The following MST1R variants were observed in gnomAD, a reference collection of about 807,000 sequenced individuals.
MST1R encodes the protein macrophage stimulating 1 receptor.
In MST1R, 99 loss-of-function variants were observed where a neutral mutation model predicts 117.8. The observed-to-expected ratio is 0.84, with a 90% CI of 0.71 to 0.99. The LOEUF is 0.99. Among genes scored for constraint, MST1R ranks in the 50% least tolerant of loss-of-function variants. MST1R has a pLI of 0.00. For missense variants in MST1R, 1,683 were observed against 1,840.2 expected, an observed-to-expected ratio of 0.91 and a Z score of 1.56; for synonymous variants, 734 against 765.3, an observed-to-expected ratio of 0.96 and a Z score of 0.68.
rs1395610187 is a variant in MST1R, at chr3:49,902,719, G to T, written c.891C>A (p.Val297=). ...GTTTTGGAGCAAATCTGCAGTCGAG[G>T]ACCAGCTCCCGATAGTCACCCAACT... ...EPELGDYREL[V]LDCRFAPKRR... is the part of the protein sequence containing the mutation. Residue 297 remains valine (V), a synonymous_variant, in exon 1 of 20, where the codon GTC becomes GTA. Coordinates refer to ENST00000296474, the MANE Select transcript of MST1R (RefSeq NM_002447.4). 1 of 1,613,670 alleles carries T rather than the reference G, an allele frequency of 6.2e-7. No homozygotes were observed. Among genetic ancestry groups the T allele is most frequent in the Non-Finnish European group, 8.5e-7 (1 of 1,180,032 alleles).
chr3:49,900,537 C>T (rs2082643289), intron 1 of MST1R, among the ~76,000 whole-genome samples: 1 of 152,196 alleles, frequency 6.6e-6, no homozygotes, highest in Non-Finnish European at 1.5e-5. Context: ...TGATTAGTAG[C>T]CCTGGAGGCA....
intron 18 of MST1R, 55 bp from the exon 19 acceptor site, chr3:49,890,115 G>T (rs1335614282): frequency 6.5e-7 from 1 of 1,539,132 alleles, no homozygotes; most frequent in Non-Finnish European, 8.7e-7. Context: ...GGGGGCAGGT[G>T]GGTCCCCCAG....
At position 49,902,584 on chromosome 3, in the gene MST1R, G is replaced by A. The variant is rs1200865296; in HGVS notation, c.1026C>T (p.Gly342=). 2 of 1,613,730 alleles carry A rather than the reference G, an allele frequency of 1.2e-6. No homozygotes were observed. The highest frequency in any genetic ancestry group is 1.1e-5 in the South Asian group (1 of 91,090). The part of the protein sequence containing the change: ...QLATELSIAE[G]QEVLFGVFVT... ...CAAAGACCCCAAATAGTACTTCCTG[G>A]CCCTCGGCGATGCTCAGCTCAGTGG... Residue 342 remains glycine, a synonymous_variant, in exon 1 of 20, where the codon GGC becomes GGT. Coordinates refer to ENST00000296474, the MANE Select transcript of MST1R (RefSeq NM_002447.4).
intron 19 of MST1R, 122 bp downstream of exon 19, chr3:49,889,802 C>A (rs920262370): frequency 2.5e-6 from 3 of 1,223,622 alleles, no homozygotes; most frequent in East Asian, 2.5e-5. Flanking sequence ...TGAGGCCCAG[C>A]GAGAGTCCCT....
At chr3:49,893,275 T>C (rs543450146) in intron 14 of MST1R, among the ~76,000 whole-genome samples, 1 of 136,328 alleles carries the variant, frequency 7.3e-6, no homozygotes, top group South Asian at 2.3e-4. Flanking sequence ...TGAGGTTCTG[T>C]CTCAAAAATA....
Position 49,890,569 on chromosome 3 carries a change from T to C in MST1R, c.3726A>G (p.Gln1242=). 6.2e-7 allele frequency: 1 copy of C among 1,614,130 alleles called. No homozygotes were observed. The highest frequency in any genetic ancestry group is 1.3e-5 in the African/African-American group (1 of 75,052). ...CAGGTAGGCGAGCGTGGCGATGCTG[T>C]TGAACACTATAGTACTCCCTGTCCA... ...DILDREYYSV[Q]QHRHARLPVK... Residue 1242 remains glutamine (Q), a synonymous_variant, in exon 18 of 20, where the codon CAA becomes CAG. Transcript: ENST00000296474.
At chr3:49,888,599 C>T (rs1022946835) in intron 19 of MST1R, among the ~76,000 whole-genome samples, 4 of 124,370 alleles carry the variant, frequency 3.2e-5, no homozygotes, top group African/African-American at 1.2e-4. Context: ...GAGACTCTGT[C>T]TCAAAAAAAA....
chr3:49,901,492 T>TA (rs200565761), intron 1 of MST1R, among the ~76,000 whole-genome samples: 102 of 148,190 alleles, frequency 6.9e-4, no homozygotes, highest in Middle Eastern at 3.4e-3. Context: ...CAAATACAGT[T>TA]AAAAAAAAAA....
At chr3:49,900,790 T>C (rs2108489905) in intron 1 of MST1R, among the ~76,000 whole-genome samples, 1 of 152,210 alleles carries the variant, frequency 6.6e-6, no homozygotes, top group South Asian at 2.1e-4. Context: ...GGACCTTAGC[T>C]CTACGTTCCC....
intron 14 of MST1R, among the ~76,000 whole-genome samples, chr3:49,894,171 C>T (rs1242647328): frequency 1.3e-5 from 2 of 150,954 alleles, no homozygotes; most frequent in Admixed American, 6.6e-5. Context: ...GCCGAGATCG[C>T]GCCATTGCAC....
intron 4 of MST1R, 93 bp from the exon 5 acceptor site, chr3:49,898,304 T>G: frequency 6.6e-7 from 1 of 1,521,930 alleles, no homozygotes; most frequent in Non-Finnish European, 9.0e-7. Context: ...ACCCCTTGCC[T>G]TCCCCACGCT....
chr3:49,898,396 C>T, intron 4 of MST1R, 122 bp downstream of exon 4: 6 of 1,397,956 alleles, frequency 4.3e-6, no homozygotes, highest in Non-Finnish European at 5.9e-6. Context: ...ACAAGAATGC[C>T]CTCCTTGTAG....
rs1479555276 is a variant in MST1R, at chr3:49,903,145, C to T, written c.465G>A (p.Val155=). 2.5e-6 allele frequency: 4 copies of T among 1,603,954 alleles called. No homozygotes were observed. Among genetic ancestry groups the T allele is most frequent in the Non-Finnish European group, 3.4e-6 (4 of 1,179,994 alleles). The change falls in exon 1 of 20, where the codon GTG becomes GTA. Residue 155 remains valine (V), a synonymous_variant. Coordinates refer to ENST00000296474, the MANE Select transcript of MST1R (RefSeq NM_002447.4). ...LHDLEPQGTA[V]HLAAPACLFS... ...AGAGGCAGGCTGGCGCTGCCAGATG[C>T]ACGGCTGTCCCTTGGGGCTCTAGGT... is the stretch of plus-strand genomic sequence containing the variant.
rs1460972383 is a variant in MST1R, at chr3:49,897,644, TCA to T, written c.1920_1921del (p.Cys640Ter). On this transcript the variant is annotated stop_gained and frameshift_variant, in exon 6 of 20. Transcript: ENST00000296474. LOFTEE classifies it high-confidence loss of function. The stretch of plus-strand genomic sequence containing the variant: ...TGCCTGGGTGCCCAAGGGCTCCAGT[TCA>T]CACTCAAACTCCTCTACAAAGTCTT... 15 of 1,614,058 alleles carry T rather than the reference TCA, an allele frequency of 9.3e-6. No individual in the cohort carries two copies. The highest frequency in any genetic ancestry group is 1.3e-5 in the Non-Finnish European group (15 of 1,179,996).
At chr3:49,887,602 C>T in intron 19 of MST1R, 40 bp from the exon 20 acceptor site, 2 of 1,601,280 alleles carry the variant, frequency 1.2e-6, no homozygotes. Context: ...GCAATTTCCA[C>T]CCAAGGATTC....
chr3:49,897,880 A>T, intron 5 of MST1R, 171 bp downstream of exon 5: 1 of 1,142,478 alleles, frequency 8.8e-7, no homozygotes, highest in Admixed American at 2.4e-5. Flanking sequence ...GGAAGGGCAC[A>T]TGAAAGCTCA....
chr3:49,903,632 G>T lies in MST1R; in HGVS notation c.-23C>A. 3 of 1,545,432 alleles carry T rather than the reference G, an allele frequency of 1.9e-6. No individual in the cohort carries two copies. Among genetic ancestry groups the T allele is most frequent in the South Asian group, 1.2e-5 (1 of 80,988 alleles). ...CATCGAGGCGAGCTGGGACCCTAGA[G>T]GATCCCTACCGGCCTGGGCCTGGAC... On this transcript the variant is annotated 5_prime_UTR_variant, in exon 1 of 20. Coordinates refer to ENST00000296474, the MANE Select transcript of MST1R (RefSeq NM_002447.4).
chr3:49,903,620 T>C lies in MST1R; in HGVS notation c.-11A>G. The C allele has an allele frequency of 2.6e-6, 4 of 1,552,042 alleles. No homozygotes were observed. The highest frequency in any genetic ancestry group is 2.2e-5 in the East Asian group (1 of 44,582). ...CGGGAGGAGCTCCATCGAGGCGAGC[T>C]GGGACCCTAGAGGATCCCTACCGGC... On this transcript the variant is annotated 5_prime_UTR_variant, in exon 1 of 20. Transcript: ENST00000296474.
intron 17 of MST1R, 33 bp from the exon 18 acceptor site, chr3:49,890,683 T>C: frequency 6.3e-7 from 1 of 1,581,448 alleles, no homozygotes; most frequent in Non-Finnish European, 8.6e-7. Flanking sequence ...CACTTAGGAC[T>C]GGCCCTTACC....
Sources: gnomAD v4.1 joint callset for allele counts (sites outside exome capture counted in the v4.1 genomes callset) on GRCh38, gnomAD v4.1.1 for gene constraint, MANE v1.5 for transcripts, NCBI Gene and HGNC (gene_info 2026-07-23, HGNC 2026-07-21) for gene names.